Variants in DGKB observed in about 807,000 individuals in gnomAD.
The protein encoded by DGKB is diacylglycerol kinase beta, also known as 90 kDa diacylglycerol kinase.
A neutral mutation model predicts 114.3 loss-of-function variants in DGKB; 67 were observed. That is an observed-to-expected ratio of 0.59 (90% CI 0.48 to 0.72). DGKB has a LOEUF of 0.72. DGKB is among the 30% of genes least tolerant of loss of function. DGKB has a pLI of 0.00. For synonymous variants in DGKB, 398 were observed against 323.1 expected, an observed-to-expected ratio of 1.23 and a Z score of -2.49; for missense variants, 907 against 975.2, an observed-to-expected ratio of 0.93 and a Z score of 0.93.
intron 1 of DGKB, among the ~76,000 whole-genome samples, chr7:14,939,849 G>A (rs1785476377): frequency 1.3e-5 from 2 of 151,836 alleles, no homozygotes; most frequent in Non-Finnish European, 2.9e-5. Context: ...TCCTGACCTC[G>A]TGATCCACCC....
At chr7:14,624,829 C>A (rs934526580) in intron 14 of DGKB, among the ~76,000 whole-genome samples, 1 of 151,944 alleles carries the variant, frequency 6.6e-6, no homozygotes, top group Non-Finnish European at 1.5e-5. Context: ...GAGCCCCTGT[C>A]GCTACTAAAA....
intron 1 of DGKB, among the ~76,000 whole-genome samples, chr7:14,865,065 A>G (rs1227015418): frequency 7.4e-6 from 1 of 135,050 alleles, no homozygotes; most frequent in Non-Finnish European, 1.6e-5. Context: ...TTCCAGAGTT[A>G]AAATTGTAAA....
intron 21 of DGKB, among the ~76,000 whole-genome samples, chr7:14,444,205 G>A (rs1830444805): frequency 6.6e-6 from 1 of 151,708 alleles, no homozygotes; most frequent in Non-Finnish European, 1.5e-5. Flanking sequence ...ATCTACAACT[G>A]CAACATTTTT....
At position 14,583,308 on chromosome 7, in the gene DGKB, C is replaced by A. The variant is rs184415603; in HGVS notation, c.1434-171G>T. 3.4e-3 allele frequency among the ~76,000 whole-genome samples: 522 copies of A among 151,968 alleles called. 3 individuals are homozygous for A. The highest frequency in any genetic ancestry group is 0.012 in the African/African-American group (491 of 41,472). On this transcript the variant is annotated intron_variant, in intron 17 of 25. Transcript: ENST00000402815. ...TAATCCTATTTTATAATTATATATTCAAGATTCTATAATTTAAAAATATTT... is the reference window on the plus strand; with the variant it reads ...TAATCCTATTTTATAATTATATATTAAAGATTCTATAATTTAAAAATATTT...
chr7:14,594,043 T>G (rs1802133743), intron 17 of DGKB, among the ~76,000 whole-genome samples: 1 of 152,092 alleles, frequency 6.6e-6, no homozygotes, highest in Non-Finnish European at 1.5e-5. Context: ...ACTCATACTA[T>G]TCTATAGAAT....
intron 1 of DGKB, among the ~76,000 whole-genome samples, chr7:14,869,747 T>A (rs1354455131): frequency 6.6e-6 from 1 of 152,106 alleles, no homozygotes; most frequent in African/African-American, 2.4e-5. Context: ...TTTCAACAGT[T>A]ATATACACAA....
intron 23 of DGKB, among the ~76,000 whole-genome samples, chr7:14,252,142 T>C (rs1405204033): frequency 6.6e-6 from 1 of 152,194 alleles, no homozygotes; most frequent in Admixed American, 6.5e-5. Context: ...TTGGCTTTCT[T>C]GATGGTGTCC....
intron 2 of DGKB, among the ~76,000 whole-genome samples, chr7:14,830,150 T>A (rs371577653): frequency 2.0e-5 from 3 of 151,792 alleles, no homozygotes; most frequent in Admixed American, 6.6e-5. Flanking sequence ...CAGTACTTTT[T>A]AAAAAAAATT....
At chr7:14,236,647 C>T (rs1792831034) in intron 23 of DGKB, among the ~76,000 whole-genome samples, 1 of 151,822 alleles carries the variant, frequency 6.6e-6, no homozygotes, top group Admixed American at 6.6e-5. Flanking sequence ...TTCTAAAAAT[C>T]AAAGTCGTGA....
In DGKB at chr7:14,733,818, G is replaced by A. The variant is rs1376812623; in HGVS notation, c.322+2223C>T. 4.0e-5 allele frequency among the ~76,000 whole-genome samples: 6 copies of A among 151,088 alleles called. No individual in the cohort carries two copies. In the East Asian group the frequency reaches 1.2e-3, roughly 29 times the overall value. Reference sequence around the variant, plus strand: ...GGAGAGAGGGAGGGAAGGAGGGAAGGAAGGAAGGAGGGAAGGAAGAAAGGA... The same window carrying A: ...GGAGAGAGGGAGGGAAGGAGGGAAGAAAGGAAGGAGGGAAGGAAGAAAGGA... On this transcript the variant is annotated intron_variant, in intron 5 of 25. Transcript: ENST00000402815.
chr7:14,728,702 CTT>C (rs35568497), intron 5 of DGKB, among the ~76,000 whole-genome samples: 3,192 of 140,212 alleles, frequency 0.023, 32 homozygotes, highest in Non-Finnish European at 0.029. Flanking sequence ...TTCCAGCCTC[CTT>C]TTTTTTTTTT....
intron 20 of DGKB, among the ~76,000 whole-genome samples, chr7:14,500,028 T>G (rs1402785527): frequency 6.6e-6 from 1 of 151,878 alleles, no homozygotes. Flanking sequence ...CCTAAACAGG[T>G]TATTTTCCCT....
intron 23 of DGKB, among the ~76,000 whole-genome samples, chr7:14,303,264 C>T (rs1487425333): frequency 2.0e-5 from 3 of 151,958 alleles, no homozygotes; most frequent in Admixed American, 6.6e-5. Flanking sequence ...AAAGTTATTG[C>T]GTTTCATTTT....
At chr7:14,835,485 G>A (rs1264868268) in intron 2 of DGKB, among the ~76,000 whole-genome samples, 1 of 152,134 alleles carries the variant, frequency 6.6e-6, no homozygotes, top group Non-Finnish European at 1.5e-5. Context: ...ACTGCGAAAT[G>A]GCCCTGTGCC....
chr7:14,841,135 A>C, intron 2 of DGKB, 59 bp downstream of exon 2: 4 of 1,406,028 alleles, frequency 2.8e-6, no homozygotes, highest in Non-Finnish European at 3.9e-6. Flanking sequence ...TTATAAATAA[A>C]TGATACTTTG....
chr7:14,441,941 C>T (rs940411226), intron 21 of DGKB, among the ~76,000 whole-genome samples: 6 of 151,954 alleles, frequency 3.9e-5, no homozygotes, highest in African/African-American at 1.2e-4. Flanking sequence ...GATATACATA[C>T]ATATCAGGAT....
chr7:14,322,375 C>G (rs527496210), intron 23 of DGKB, among the ~76,000 whole-genome samples: 1 of 152,204 alleles, frequency 6.6e-6, no homozygotes, highest in South Asian at 2.1e-4. Flanking sequence ...GATTATGTTA[C>G]CACTGAGTAG....
intron 4 of DGKB, among the ~76,000 whole-genome samples, chr7:14,753,401 A>AG (rs1292233939): frequency 6.6e-6 from 1 of 152,192 alleles, no homozygotes; most frequent in African/African-American, 2.4e-5. Context: ...ACAGATTTTC[A>AG]GGGAGAGTGG....
intron 21 of DGKB, among the ~76,000 whole-genome samples, chr7:14,392,995 G>GTTTTTGTTTTTGTTTTTTTTTTTTTT: frequency 2.5e-4 from 15 of 60,544 alleles, no homozygotes; most frequent in Non-Finnish European, 3.8e-4. Context: ...TTTTGTTTTT[G>GTTTTTGTTTTTGTTTTTTTTTTTTTT]TTTTTTTTTT....
Sources: gnomAD v4.1 joint callset for allele counts (sites outside exome capture counted in the v4.1 genomes callset) on GRCh38, gnomAD v4.1.1 for gene constraint, MANE v1.5 for transcripts, NCBI Gene and HGNC (gene_info 2026-07-23, HGNC 2026-07-21) for gene names.